KIF13B: variants seen among roughly 807,000 people sequenced by gnomAD.
KIF13B encodes the protein kinesin-like protein KIF13B.
Under a neutral mutation model 222.0 loss-of-function variants are expected in KIF13B, and 127 were observed. The ratio of observed to expected loss-of-function variants is 0.57; its 90% CI spans 0.50 to 0.66. The LOEUF is 0.66. Among genes scored for constraint, KIF13B ranks in the 30% least tolerant of loss-of-function variants. The pLI, the probability that KIF13B is intolerant of heterozygous loss-of-function variation, is 0.00. For missense variants in KIF13B, 2,173 were observed against 2,379.0 expected, an observed-to-expected ratio of 0.91 and a Z score of 1.80; for synonymous variants, 976 against 919.0, an observed-to-expected ratio of 1.06 and a Z score of -1.12.
intron 2 of KIF13B, among the ~76,000 whole-genome samples, chr8:29,230,647 A>T (rs1198683636): frequency 6.6e-6 from 1 of 152,198 alleles, no homozygotes; most frequent in Non-Finnish European, 1.5e-5. Flanking sequence ...GTGTCAGATT[A>T]TGAGCACGTG....
intron 2 of KIF13B, among the ~76,000 whole-genome samples, chr8:29,240,359 T>C (rs1018172101): frequency 2.7e-5 from 4 of 147,542 alleles, no homozygotes; most frequent in Non-Finnish European, 4.5e-5. Context: ...CACGTAAGAA[T>C]GTCCTCCATA....
chr8:29,256,746 C>CT (rs1244309534), intron 1 of KIF13B, among the ~76,000 whole-genome samples: 1 of 140,774 alleles, frequency 7.1e-6, no homozygotes, highest in African/African-American at 2.9e-5. Flanking sequence ...ACAATTACTA[C>CT]TTTTTTTGTT....
chr8:29,115,420 G>A (rs574463126), intron 31 of KIF13B, among the ~76,000 whole-genome samples: 6 of 151,042 alleles, frequency 4.0e-5, no homozygotes, highest in South Asian at 4.2e-4. Flanking sequence ...TCCGCCTCCC[G>A]GGTTTAAGCA....
At chr8:29,178,066 A>G (rs1812556688) in intron 8 of KIF13B, among the ~76,000 whole-genome samples, 1 of 152,234 alleles carries the variant, frequency 6.6e-6, no homozygotes, top group Non-Finnish European at 1.5e-5. Flanking sequence ...CAGAAAATTT[A>G]TAAAACTCTA....
chr8:29,234,433 A>T (rs756297597), intron 2 of KIF13B, among the ~76,000 whole-genome samples: 1 of 151,298 alleles, frequency 6.6e-6, no homozygotes, highest in East Asian at 1.9e-4. Context: ...ATACTGTATG[A>T]TTCCATTTAC....
chr8:29,161,971 AC>A (rs1314035580), intron 12 of KIF13B, among the ~76,000 whole-genome samples: 5 of 152,120 alleles, frequency 3.3e-5, no homozygotes, highest in Non-Finnish European at 4.4e-5. Context: ...CCAAAAACAA[AC>A]AAATTTGCAT....
intron 12 of KIF13B, among the ~76,000 whole-genome samples, chr8:29,161,185 G>A (rs1161141536): frequency 6.6e-6 from 1 of 152,176 alleles, no homozygotes; most frequent in African/African-American, 2.4e-5. Flanking sequence ...AAGCAAAAGT[G>A]TGTGCACTTT....
In KIF13B at chr8:29,194,116, G is replaced by A. The variant is rs374994016; in HGVS notation, c.162+2071C>T. On this transcript the variant is annotated intron_variant, in intron 3 of 39. Coordinates refer to ENST00000524189, the MANE Select transcript of KIF13B (RefSeq NM_015254.4). Reference sequence around the variant, plus strand: ...TGGGATTACAGGCATGAGCCACCGCGCCCGGCCCTAAATTTTTACTTTTAT... The same window carrying A: ...TGGGATTACAGGCATGAGCCACCGCACCCGGCCCTAAATTTTTACTTTTAT... 1.9e-4 allele frequency among the ~76,000 whole-genome samples: 29 copies of A among 151,798 alleles called. No homozygotes were observed. The East Asian group carries it at 5.2e-3, about 27-fold the overall frequency.
At chr8:29,181,483 C>T (rs1433948926) in intron 7 of KIF13B, among the ~76,000 whole-genome samples, 1 of 152,146 alleles carries the variant, frequency 6.6e-6, no homozygotes, top group Non-Finnish European at 1.5e-5. Context: ...CAACTGAACA[C>T]AATCCTACCT....
chr8:29,238,426 T>C (rs376709875), intron 2 of KIF13B, among the ~76,000 whole-genome samples: 7 of 152,288 alleles, frequency 4.6e-5, no homozygotes, highest in African/African-American at 1.7e-4. Flanking sequence ...GTTGGGTGTG[T>C]TTTGTTCATA....
intron 19 of KIF13B, 113 bp from the exon 20 acceptor site, chr8:29,140,730 ACT>A: frequency 1.0e-6 from 1 of 973,424 alleles, no homozygotes; most frequent in Non-Finnish European, 1.5e-6. Flanking sequence ...CATCATCCTA[ACT>A]CTTGTATTTT....
intron 38 of KIF13B, among the ~76,000 whole-genome samples, chr8:29,073,022 C>T (rs886278673): frequency 6.6e-5 from 10 of 151,470 alleles, no homozygotes; most frequent in African/African-American, 2.2e-4. Context: ...CAAGGAGCCA[C>T]GGGCCTGCAG....
At chr8:29,222,613 T>C (rs994301712) in intron 2 of KIF13B, among the ~76,000 whole-genome samples, 5 of 144,594 alleles carry the variant, frequency 3.5e-5, no homozygotes, top group African/African-American at 1.3e-4. Context: ...TTTAATCATC[T>C]TTCAGCTAAA....
At chr8:29,075,588 C>T (rs1014866169) in intron 37 of KIF13B, among the ~76,000 whole-genome samples, 3 of 152,246 alleles carry the variant, frequency 2.0e-5, no homozygotes, top group African/African-American at 7.2e-5. Context: ...ACACACGACG[C>T]TCTCTCCCTC....
At chr8:29,221,450 G>C (rs1748990593) in intron 2 of KIF13B, among the ~76,000 whole-genome samples, 1 of 149,262 alleles carries the variant, frequency 6.7e-6, no homozygotes, top group East Asian at 2.0e-4. Context: ...GGGCAACAGA[G>C]TGAGACCCTG....
At position 29,140,099 on chromosome 8, in the gene KIF13B, A is replaced by G. The variant is rs1810744298; in HGVS notation, c.2577T>C (p.Phe859=). Residue 859 remains phenylalanine, a synonymous_variant, in exon 21 of 40, where the codon TTT becomes TTC. Transcript: ENST00000524189. Reference sequence around the variant, plus strand: ...GTTTGTTCTCCTGGGTCTCCTTCTCAAAGGAGACCTCTGCCACCTCATCGC... The same window carrying G: ...GTTTGTTCTCCTGGGTCTCCTTCTCGAAGGAGACCTCTGCCACCTCATCGC... The part of the protein sequence containing the change: ...AGGDEVAEVS[F]EKETQENKLV... The G allele has an allele frequency of 6.2e-7, 1 of 1,607,758 alleles. No homozygotes were observed. Among genetic ancestry groups the G allele is most frequent in the East Asian group, 2.2e-5 (1 of 44,584 alleles).
chr8:29,123,961 G>C, intron 27 of KIF13B, 63 bp downstream of exon 27: 1 of 1,001,812 alleles, frequency 1.0e-6, no homozygotes, highest in African/African-American at 1.6e-5. Context: ...TGGCTACAAA[G>C]GGAGAATAAT....
intron 38 of KIF13B, 40 bp from the exon 39 acceptor site, chr8:29,072,356 CT>C: frequency 1.5e-6 from 2 of 1,321,642 alleles, no homozygotes; most frequent in Non-Finnish European, 2.0e-6. Context: ...GAACAGAAAA[CT>C]TTCCAACACG....
chr8:29,088,699 C>T (rs1808156364), intron 37 of KIF13B, among the ~76,000 whole-genome samples: 1 of 152,182 alleles, frequency 6.6e-6, no homozygotes, highest in Non-Finnish European at 1.5e-5. Flanking sequence ...TTTTCTTCTT[C>T]CTGTTATTTG....
Sources: allele counts gnomAD v4.1 joint callset (sites outside exome capture counted in the v4.1 genomes callset), GRCh38; gene constraint gnomAD v4.1.1; transcripts MANE v1.5; gene names NCBI Gene and HGNC (gene_info 2026-07-23, HGNC 2026-07-21).